ATOX1: variants seen among roughly 807,000 people sequenced by gnomAD.
ATOX1 encodes the protein antioxidant 1 copper chaperone.
A neutral mutation model predicts 7.3 loss-of-function variants in ATOX1; 4 were observed. That is an observed-to-expected ratio of 0.55 (90% CI 0.27 to 1.25). The LOEUF is 1.25. ATOX1 is among the 50% of genes most tolerant of loss of function. The pLI is 0.12. For synonymous variants in ATOX1, 25 were observed against 28.7 expected (o/e 0.87, Z 0.41); for missense variants, 68 against 81.6 (o/e 0.83, Z 0.64).
chr5:151,749,490 A>G (rs1761917008), intron 2 of ATOX1, among the ~76,000 whole-genome samples: 1 of 151,406 alleles, frequency 6.6e-6, no homozygotes, highest in Non-Finnish European at 1.5e-5. Flanking sequence ...TGCCTCAGAA[A>G]AAAAAAAAAA....
chr5:151,745,653 A>T (rs551435588), intron 3 of ATOX1: 1 of 152,384 alleles, frequency 6.6e-6, no homozygotes, highest in Non-Finnish European at 1.5e-5. Flanking sequence ...CAGGAAGCTG[A>T]CAACAGTTTC....
chr5:151,756,304 G>A (rs968339936), intron 1 of ATOX1, among the ~76,000 whole-genome samples: 4 of 151,942 alleles, frequency 2.6e-5, no homozygotes, highest in African/African-American at 7.3e-5. Context: ...ACACACTCAC[G>A]GTGATTCGGC....
intron 1 of ATOX1, chr5:151,752,219 G>A (rs990621118): frequency 2.8e-5 from 20 of 702,492 alleles, no homozygotes; most frequent in Non-Finnish European, 1.3e-5. Flanking sequence ...CTGCACTAGA[G>A]TCACCTACAG....
At chr5:151,751,593 A>T (rs1266733874) in intron 2 of ATOX1, 111 bp downstream of exon 2, 1 of 1,094,376 alleles carries the variant, frequency 9.1e-7, no homozygotes, top group East Asian at 2.6e-5. Flanking sequence ...CTAAGTACTC[A>T]ATATATTTTA....
At chr5:151,754,642 G>A (rs1761989766) in intron 1 of ATOX1, among the ~76,000 whole-genome samples, 1 of 151,982 alleles carries the variant, frequency 6.6e-6, no homozygotes, top group African/African-American at 2.4e-5. Context: ...CTGGAACATG[G>A]ATTGGCACAC....
chr5:151,751,751 C>T lies in ATOX1; in HGVS notation c.35G>A (p.Cys12Tyr), dbSNP rs1230765309. Reference sequence around the variant, plus strand: ...AGAGACAGCTTCAGCACAGCCTCCACAGGTCATGTCCACAGAGAACTCGTG... The same window carrying T: ...AGAGACAGCTTCAGCACAGCCTCCATAGGTCATGTCCACAGAGAACTCGTG... ...PKHEFSVDMTCGGCAEAVSRV... is the reference protein window; with the variant it reads ...PKHEFSVDMTYGGCAEAVSRV... Residue 12 changes from cysteine (C) to tyrosine (Y), a missense_variant, in exon 2 of 4, where the codon TGT becomes TAT. Coordinates refer to ENST00000313115, the MANE Select transcript of ATOX1 (RefSeq NM_004045.4). The T allele has an allele frequency of 1.9e-6, 3 of 1,609,756 alleles. No homozygotes were observed. The highest frequency in any genetic ancestry group is 2.5e-6 in the Non-Finnish European group (3 of 1,178,180).
In ATOX1 at chr5:151,758,534, G is replaced by A; in HGVS notation, c.6+12C>T. On this transcript the variant is annotated intron_variant, in intron 1 of 3. Coordinates refer to ENST00000313115, the MANE Select transcript of ATOX1 (RefSeq NM_004045.4). ...TGCAAGTCTGCGTGGCGGGGACGGCGCAACCACTCACCGGCATGACTGAGG... is the reference window on the plus strand; with the variant it reads ...TGCAAGTCTGCGTGGCGGGGACGGCACAACCACTCACCGGCATGACTGAGG... 1.4e-6 allele frequency: 2 copies of A among 1,465,752 alleles called. No homozygotes were observed. The highest frequency in any genetic ancestry group is 1.8e-6 in the Non-Finnish European group (2 of 1,105,548). The allele number at this position is 1,465,752 out of a possible 1,614,324, so 90.8% of individuals were successfully genotyped here.
At chr5:151,755,837 C>T (rs6886615) in intron 1 of ATOX1, among the ~76,000 whole-genome samples, 6,059 of 152,136 alleles carry the variant, frequency 0.04, 306 homozygotes, top group African/African-American at 0.11. Flanking sequence ...GTTCTGGTTC[C>T]TCATGGCCTC....
At chr5:151,752,235 A>G in intron 1 of ATOX1, 1 of 702,580 alleles carries the variant, frequency 1.4e-6, no homozygotes, top group South Asian at 1.5e-5. Flanking sequence ...TACAGCTTGC[A>G]AAAACTACAG....
intron 1 of ATOX1, among the ~76,000 whole-genome samples, chr5:151,755,266 C>A (rs953835713): frequency 6.6e-6 from 1 of 152,132 alleles, no homozygotes; most frequent in Non-Finnish European, 1.5e-5. Context: ...TACTGATTGT[C>A]TATTACATGT....
At chr5:151,751,117 G>A (rs781303771) in intron 2 of ATOX1, among the ~76,000 whole-genome samples, 1 of 151,972 alleles carries the variant, frequency 6.6e-6, no homozygotes, top group Non-Finnish European at 1.5e-5. Context: ...TGAGCCAGGC[G>A]TGGTGGTGCA....
chr5:151,758,024 G>T (rs1225482066), intron 1 of ATOX1, among the ~76,000 whole-genome samples: 1 of 152,214 alleles, frequency 6.6e-6, no homozygotes, highest in African/African-American at 2.4e-5. Flanking sequence ...TCTCCATTCA[G>T]TGTCGCCCAG....
chr5:151,751,879 A>T, intron 1 of ATOX1, 100 bp from the exon 2 acceptor site: 1 of 1,199,616 alleles, frequency 8.3e-7, no homozygotes, highest in South Asian at 1.4e-5. Flanking sequence ...GAAGACAGAG[A>T]GACTGGGCAG....
chr5:151,744,687 A>T (rs1377389850), intron 3 of ATOX1: 1 of 152,154 alleles, frequency 6.6e-6, no homozygotes, highest in African/African-American at 2.4e-5. Flanking sequence ...TATAAAATAC[A>T]GTCTTACGGG....
intron 2 of ATOX1, among the ~76,000 whole-genome samples, chr5:151,749,372 A>G (rs1177967527): frequency 5.3e-5 from 8 of 150,730 alleles, no homozygotes; most frequent in Non-Finnish European, 1.5e-5. Context: ...GTAATCCCAG[A>G]TACTCAGGAG....
intron 2 of ATOX1, among the ~76,000 whole-genome samples, 196 bp downstream of exon 2, chr5:151,751,508 A>C (rs1761948490): frequency 1.3e-5 from 2 of 152,212 alleles, no homozygotes; most frequent in Non-Finnish European, 2.9e-5. Context: ...AAACTATCTG[A>C]AATGGCCGTG....
At chr5:151,748,355 G>A (rs1478296642) in intron 2 of ATOX1, among the ~76,000 whole-genome samples, 2 of 152,156 alleles carry the variant, frequency 1.3e-5, no homozygotes, top group Admixed American at 1.3e-4. Context: ...GTACATGAAG[G>A]AGTCAGGGCT....
At chr5:151,748,302 G>A (rs1761902978) in intron 2 of ATOX1, among the ~76,000 whole-genome samples, 1 of 152,104 alleles carries the variant, frequency 6.6e-6, no homozygotes, top group African/African-American at 2.4e-5. Flanking sequence ...GGGAGTCGGT[G>A]GGAGGAGGGT....
chr5:151,751,636 C>T (rs146100316), intron 2 of ATOX1, 68 bp downstream of exon 2: 5 of 1,507,040 alleles, frequency 3.3e-6, no homozygotes, highest in Non-Finnish European at 4.5e-6. Context: ...AACCCTAAGT[C>T]TCTCCTGCAA....
Sources: allele counts gnomAD v4.1 joint callset (sites outside exome capture counted in the v4.1 genomes callset), GRCh38; gene constraint gnomAD v4.1.1; transcripts MANE v1.5; gene names NCBI Gene and HGNC (gene_info 2026-07-23, HGNC 2026-07-21).